CFDP1: variants seen among roughly 807,000 people sequenced by gnomAD.
CFDP1 encodes chromatin remodeling protein CFDP1, also known as heterochromatin-stabilizing protein CFDP1.
In CFDP1, 31 loss-of-function variants were observed where a neutral mutation model predicts 40.1. The ratio of observed to expected loss-of-function variants is 0.77; its 90% confidence interval spans 0.58 to 1.04. CFDP1 has a LOEUF of 1.04. CFDP1 is among the 50% of genes least tolerant of loss of function. CFDP1 has a pLI of 0.00. For synonymous variants in CFDP1, 167 were observed against 120.0 expected (o/e 1.39, Z -2.56); for missense variants, 423 against 343.4 (o/e 1.23, Z -1.83).
At position 75,336,399 on chromosome 16, in the gene CFDP1, T is replaced by C. The variant is rs548186971; in HGVS notation, c.651-31217A>G. Among the ~76,000 whole-genome samples the C allele has an allele frequency of 2.0e-3, 297 of 152,136 alleles. 2 individuals carry two copies. The highest frequency in any genetic ancestry group is 2.3e-3 in the Non-Finnish European group (159 of 67,998). On this transcript the variant is annotated intron_variant, in intron 5 of 6. Coordinates refer to ENST00000283882, the MANE Select transcript of CFDP1 (RefSeq NM_006324.3). ...CAGTTGAGAGCTCAGTGATGAGAGG[T>C]AGGGAGCAAGAACATTGTAAGCAGC...
chr16:75,311,517 C>G (rs1371793240), intron 5 of CFDP1, among the ~76,000 whole-genome samples: 1 of 152,108 alleles, frequency 6.6e-6, no homozygotes, highest in Non-Finnish European at 1.5e-5. Flanking sequence ...ACAAAATATT[C>G]AACACTACAC....
chr16:75,324,329 A>T (rs1403517795), intron 5 of CFDP1, among the ~76,000 whole-genome samples: 1 of 152,160 alleles, frequency 6.6e-6, no homozygotes, highest in African/African-American at 2.4e-5. Flanking sequence ...GATGTGTGTG[A>T]ATGCACTTAG....
At chr16:75,337,865 T>C (rs1195166050) in intron 5 of CFDP1, among the ~76,000 whole-genome samples, 1 of 152,202 alleles carries the variant, frequency 6.6e-6, no homozygotes, top group East Asian at 1.9e-4. Flanking sequence ...ACCATATCAT[T>C]GACCAACGAC....
At chr16:75,297,194 G>GTGTGTGTGTGTGTGTT (rs1567637643) in intron 6 of CFDP1, among the ~76,000 whole-genome samples, 4 of 146,328 alleles carry the variant, frequency 2.7e-5, no homozygotes, top group Admixed American at 6.8e-5. Flanking sequence ...GTGTGTGTGT[G>GTGTGTGTGTGTGTGTT]TTTTTAGTAG....
intron 4 of CFDP1, among the ~76,000 whole-genome samples, chr16:75,410,801 C>T (rs1453868355): frequency 1.3e-5 from 2 of 148,982 alleles, no homozygotes; most frequent in African/African-American, 5.0e-5. Flanking sequence ...CCCAGCTACT[C>T]GGGAGGCTGA....
intron 5 of CFDP1, among the ~76,000 whole-genome samples, chr16:75,366,742 G>A (rs981101165): frequency 6.6e-6 from 1 of 152,210 alleles, no homozygotes; most frequent in Non-Finnish European, 1.5e-5. Flanking sequence ...GTGGTTGTCT[G>A]GAGGGCTCCC....
chr16:75,346,664 T>C (rs1049011603), intron 5 of CFDP1, among the ~76,000 whole-genome samples: 1 of 145,524 alleles, frequency 6.9e-6, no homozygotes, highest in Non-Finnish European at 1.5e-5. Flanking sequence ...CTAAGTTTTA[T>C]ATAATCGATA....
intron 5 of CFDP1, among the ~76,000 whole-genome samples, chr16:75,328,430 C>T (rs1315820098): frequency 7.4e-6 from 1 of 135,620 alleles, no homozygotes. Context: ...TCGAAAAATA[C>T]AAAAAAAAAA....
At chr16:75,417,182 A>G (rs142486402) in intron 1 of CFDP1, among the ~76,000 whole-genome samples, 10 of 152,284 alleles carry the variant, frequency 6.6e-5, no homozygotes, top group African/African-American at 2.2e-4. Flanking sequence ...AACAAAAACA[A>G]AAACAAATAC....
Position 75,396,525 on chromosome 16 carries a change from C to T in CFDP1, c.531-1316G>A, listed in dbSNP as rs1214694200. Among the ~76,000 whole-genome samples the T allele has an allele frequency of 1.9e-5, 2 of 103,284 alleles. 1 individual carries two copies. Among genetic ancestry groups the T allele is most frequent in the East Asian group, 5.9e-4 (2 of 3,388 alleles). The allele number at this position is 103,284 out of a possible 152,430, so 67.8% of individuals were successfully genotyped here. On this transcript the variant is annotated intron_variant, in intron 4 of 6. Coordinates refer to ENST00000283882, the MANE Select transcript of CFDP1 (RefSeq NM_006324.3). ...CTGCACTTCAGCCTGGGCAACAGAG[C>T]GAGACTCTGTCTCAAAAATAAATAA...
chr16:75,398,714 C>T (rs1597383485), intron 4 of CFDP1, among the ~76,000 whole-genome samples: 1 of 152,116 alleles, frequency 6.6e-6, no homozygotes, highest in Admixed American at 6.6e-5. Flanking sequence ...TGTACCAACC[C>T]CTGGGTGTTT....
At chr16:75,421,429 A>T (rs977171508) in intron 1 of CFDP1, among the ~76,000 whole-genome samples, 1 of 152,142 alleles carries the variant, frequency 6.6e-6, no homozygotes, top group Non-Finnish European at 1.5e-5. Context: ...CAAAACCTCA[A>T]TATCAAATTC....
chr16:75,418,027 G>C (rs2079228204), intron 1 of CFDP1, among the ~76,000 whole-genome samples: 1 of 152,094 alleles, frequency 6.6e-6, no homozygotes. Flanking sequence ...GCTGAGGTGG[G>C]TGTATCACCT....
At chr16:75,430,158 AG>A (rs1302471583) in intron 1 of CFDP1, among the ~76,000 whole-genome samples, 3 of 124,302 alleles carry the variant, frequency 2.4e-5, no homozygotes, top group East Asian at 4.7e-4. Context: ...TGGAGACCAG[AG>A]GTTTTTTTTG....
chr16:75,300,417 A>G (rs1047291439), intron 6 of CFDP1, among the ~76,000 whole-genome samples: 33 of 152,106 alleles, frequency 2.2e-4, no homozygotes, highest in Non-Finnish European at 4.0e-4. Flanking sequence ...CCTCCCAAGT[A>G]GCTGGGATTA....
In CFDP1 at chr16:75,356,601, C is replaced by A. The variant is rs114812672; in HGVS notation, c.650+38489G>T. ...GAGCACTGACTTCAACTTAAAGTCA[C>A]CAGCTACATTAGCCCTTAGCAAAAG... On this transcript the variant is annotated intron_variant, in intron 5 of 6. Transcript: ENST00000283882. 6.1e-3 allele frequency among the ~76,000 whole-genome samples: 922 copies of A among 152,238 alleles called. 11 individuals carry two copies. The highest frequency in any genetic ancestry group is 0.02 in the African/African-American group (831 of 41,532).
chr16:75,359,660 A>T (rs935263152), intron 5 of CFDP1, among the ~76,000 whole-genome samples: 1 of 152,148 alleles, frequency 6.6e-6, no homozygotes, highest in Non-Finnish European at 1.5e-5. Context: ...TCCACCTTGC[A>T]CTTGGTACCA....
intron 5 of CFDP1, among the ~76,000 whole-genome samples, chr16:75,334,644 A>G (rs964175187): frequency 3.9e-5 from 6 of 152,122 alleles, no homozygotes; most frequent in Admixed American, 2.6e-4. Context: ...CCAAAGCACA[A>G]GCTAAACCTT....
chr16:75,345,941 A>G (rs1597344707), intron 5 of CFDP1, among the ~76,000 whole-genome samples: 1 of 152,360 alleles, frequency 6.6e-6, no homozygotes, highest in South Asian at 2.1e-4. Context: ...GAACATAATC[A>G]AGGTCTTCTA....
Sources: allele counts gnomAD v4.1 joint callset (sites outside exome capture counted in the v4.1 genomes callset), GRCh38; gene constraint gnomAD v4.1.1; transcripts MANE v1.5; gene names NCBI Gene and HGNC (gene_info 2026-07-23, HGNC 2026-07-21).